BLTP1: variants seen among roughly 807,000 people sequenced by gnomAD.
The protein encoded by BLTP1 is bridge-like lipid transfer protein family member 1.
chr4:122,185,510 T>TTACATTAA, the BLTP1 span: 2 of 792,186 alleles, frequency 2.5e-6, no homozygotes, highest in Non-Finnish European at 3.1e-6. Context: ...TTCTACTTAA[T>TTACATTAA]GTAATTATGT....
chr4:122,258,650 A>T, the BLTP1 span: 1 of 1,558,574 alleles, frequency 6.4e-7, no homozygotes, highest in Admixed American at 1.9e-5. Flanking sequence ...CTGATGTTTC[A>T]TGAAAATGTG....
At chr4:122,161,011 C>T in the BLTP1 span, 1 of 236,882 alleles carries the variant, frequency 4.2e-6, no homozygotes, top group Non-Finnish European at 6.9e-6. Flanking sequence ...GTGCAGAGTA[C>T]ATAATTCACA....
the BLTP1 span, among the ~76,000 whole-genome samples, chr4:122,338,220 G>GGGTAGATCACTTGAGCCT: frequency 6.6e-6 from 1 of 151,880 alleles, no homozygotes; most frequent in African/African-American, 2.4e-5. Flanking sequence ...AGGCTGAGGC[G>GGGTAGATCACTTGAGCCT]GGTAGATCAC....
the BLTP1 span, among the ~76,000 whole-genome samples, chr4:122,184,189 C>T: frequency 6.6e-6 from 1 of 152,056 alleles, no homozygotes; most frequent in South Asian, 2.1e-4. Flanking sequence ...AAATATTGGG[C>T]CTGCTCAAAG....
the BLTP1 span, chr4:122,224,710 T>C: frequency 1.2e-6 from 2 of 1,613,736 alleles, no homozygotes; most frequent in African/African-American, 1.3e-5. Context: ...TCCTGACTTA[T>C]TTTCTTTTTC....
chr4:122,235,037 T>C, the BLTP1 span: 8 of 1,582,774 alleles, frequency 5.1e-6, no homozygotes, highest in South Asian at 5.6e-5. Flanking sequence ...ATAAAATGTT[T>C]CGTCACTTGT....
chr4:122,241,289 A>G, the BLTP1 span, among the ~76,000 whole-genome samples: 2 of 152,210 alleles, frequency 1.3e-5, no homozygotes, highest in Non-Finnish European at 2.9e-5. Flanking sequence ...TGCCCGAGAA[A>G]TAGTGAGTGG....
the BLTP1 span, chr4:122,214,433 A>C: frequency 1.0e-4 from 99 of 969,332 alleles, no homozygotes; most frequent in African/African-American, 1.6e-3. Context: ...ATTTATTTTA[A>C]AGATAGTTTA....
chr4:122,160,602 G>T, the BLTP1 span, among the ~76,000 whole-genome samples: 1 of 152,214 alleles, frequency 6.6e-6, no homozygotes, highest in Non-Finnish European at 1.5e-5. Flanking sequence ...CAGGCCATCT[G>T]CCTGAGGCTT....
chr4:122,262,851 G>A, the BLTP1 span: 21 of 1,614,058 alleles, frequency 1.3e-5, no homozygotes, highest in Non-Finnish European at 1.8e-5. Flanking sequence ...TGGGATGCCA[G>A]TAAAGGACAG....
At chr4:122,319,704 C>T in the BLTP1 span, among the ~76,000 whole-genome samples, 1 of 151,748 alleles carries the variant, frequency 6.6e-6, no homozygotes, top group Non-Finnish European at 1.5e-5. Context: ...CCATACCTGG[C>T]TAATTTTTGT....
At chr4:122,249,901 A>G in the BLTP1 span, 1 of 985,120 alleles carries the variant, frequency 1.0e-6, no homozygotes, top group Non-Finnish European at 1.2e-6. Context: ...AGAGCTTGAA[A>G]AACAACAATA....
the BLTP1 span, chr4:122,246,084 G>A: frequency 7.2e-4 from 1,050 of 1,454,608 alleles, 9 homozygotes; most frequent in African/African-American, 0.013. Flanking sequence ...GAATAAGTGA[G>A]TTGCTGTTGT....
At chr4:122,172,933 A>G in the BLTP1 span, 3 of 1,577,282 alleles carry the variant, frequency 1.9e-6, no homozygotes, top group East Asian at 4.5e-5. Context: ...TGGATAAAGT[A>G]TAATCAACCT....
the BLTP1 span, chr4:122,324,479 G>A: frequency 5.0e-6 from 8 of 1,610,608 alleles, no homozygotes; most frequent in Non-Finnish European, 5.9e-6. Context: ...AGTTACAGCC[G>A]ATCAAAAAGC....
the BLTP1 span, among the ~76,000 whole-genome samples, chr4:122,215,774 T>G: frequency 6.6e-6 from 1 of 152,144 alleles, no homozygotes; most frequent in African/African-American, 2.4e-5. Flanking sequence ...TTCTGAGATT[T>G]TGCTGCACCC....
At chr4:122,257,728 T>C in the BLTP1 span, among the ~76,000 whole-genome samples, 1 of 152,182 alleles carries the variant, frequency 6.6e-6, no homozygotes, top group Non-Finnish European at 1.5e-5. Context: ...GTACTTGTGA[T>C]AATTTTAATA....
chr4:122,294,196 C>T, the BLTP1 span, among the ~76,000 whole-genome samples: 17 of 152,322 alleles, frequency 1.1e-4, no homozygotes, highest in South Asian at 3.3e-3. Context: ...TCTGGAGAGT[C>T]CCGGTGGTCT....
chr4:122,275,905 A>C, the BLTP1 span: 1 of 1,417,034 alleles, frequency 7.1e-7, no homozygotes, highest in African/African-American at 1.5e-5. Context: ...ATTGTAACTA[A>C]TTTGTGCATG....
Sources: allele counts gnomAD v4.1 joint callset (sites outside exome capture counted in the v4.1 genomes callset), GRCh38; gene constraint gnomAD v4.1.1; transcripts MANE v1.5; gene names NCBI Gene and HGNC (gene_info 2026-07-23, HGNC 2026-07-21).